CPEB3: variants seen among roughly 807,000 people sequenced by gnomAD.
CPEB3 encodes cytoplasmic polyadenylation element-binding protein 3.
CPEB3 carries 20 observed loss-of-function variants against 67.2 expected under a neutral mutation model. The observed-to-expected ratio is 0.30, with a 90% confidence interval of 0.21 to 0.43. The LOEUF (loss-of-function observed/expected upper bound fraction) is 0.43, where lower values mean the gene tolerates loss of function less well. Among genes scored for constraint, CPEB3 ranks in the 20% least tolerant of loss-of-function variants. The probability of loss-of-function intolerance (pLI) is 1.00; values close to 1 mark genes in which losing one functional copy is unlikely to be tolerated. For missense variants in CPEB3, 746 were observed against 968.6 expected, an observed-to-expected ratio of 0.77 and a Z score of 3.05; for synonymous variants, 376 against 393.1, an observed-to-expected ratio of 0.96 and a Z score of 0.51.
At chr10:92,082,773 G>A (rs1196488756) in intron 8 of CPEB3, among the ~76,000 whole-genome samples, 2 of 152,036 alleles carry the variant, frequency 1.3e-5, no homozygotes, top group Non-Finnish European at 2.9e-5. Flanking sequence ...ACTACCCCTG[G>A]GAAGTGACCC....
intron 9 of CPEB3, among the ~76,000 whole-genome samples, chr10:92,064,220 T>C (rs1842467086): frequency 6.6e-6 from 1 of 152,060 alleles, no homozygotes; most frequent in Admixed American, 6.6e-5. Flanking sequence ...CCATACTATA[T>C]CAGAGGAAAG....
intron 9 of CPEB3, among the ~76,000 whole-genome samples, chr10:92,055,327 G>A (rs1428808430): frequency 1.3e-5 from 2 of 152,146 alleles, no homozygotes; most frequent in African/African-American, 4.8e-5. Flanking sequence ...CTGCCTCGAG[G>A]CCAGAGGCAC....
At chr10:92,257,470 AT>A (rs1272568891) in intron 1 of CPEB3, among the ~76,000 whole-genome samples, 3 of 151,462 alleles carry the variant, frequency 2.0e-5, no homozygotes, top group East Asian at 3.9e-4. Flanking sequence ...AATTTTTTGT[AT>A]TTTTAGTATA....
chr10:92,186,793 G>A (rs1848716332), intron 3 of CPEB3, among the ~76,000 whole-genome samples: 1 of 152,132 alleles, frequency 6.6e-6, no homozygotes, highest in Admixed American at 6.6e-5. Context: ...AAATTAATGG[G>A]AGGGTACTTA....
intron 1 of CPEB3, among the ~76,000 whole-genome samples, chr10:92,282,958 T>C (rs1400800817): frequency 6.6e-6 from 1 of 151,624 alleles, no homozygotes; most frequent in Admixed American, 6.6e-5. Context: ...CCAAGATTAA[T>C]CCCCTAAATC....
intron 6 of CPEB3, among the ~76,000 whole-genome samples, chr10:92,134,487 C>A (rs1230313392): frequency 2.0e-5 from 3 of 151,862 alleles, no homozygotes; most frequent in Non-Finnish European, 4.4e-5. Flanking sequence ...AGGAGAACTA[C>A]AAACCACTGC....
At position 92,222,741 on chromosome 10, in the gene CPEB3, A is replaced by G. The variant is rs550431577; in HGVS notation, c.1005+16605T>C. ...TCCCTGGAAATACAAATGGAGACATAAAATGCAGTTCTGATGGCTCCTGTA... is the reference window on the plus strand; with the variant it reads ...TCCCTGGAAATACAAATGGAGACATGAAATGCAGTTCTGATGGCTCCTGTA... On this transcript the variant is annotated intron_variant, in intron 2 of 9. Transcript: ENST00000265997. 1.8e-4 allele frequency among the ~76,000 whole-genome samples: 28 copies of G among 152,298 alleles called. No individual in the cohort carries two copies. In the South Asian group the frequency reaches 5.2e-3, roughly 28 times the overall value.
chr10:92,165,228 T>C (rs1446274837), intron 4 of CPEB3, among the ~76,000 whole-genome samples: 3 of 152,012 alleles, frequency 2.0e-5, no homozygotes, highest in Admixed American at 6.6e-5. Context: ...GGGAGGACTG[T>C]TTGAGGCCAG....
At chr10:92,147,714 T>C (rs991714564) in intron 4 of CPEB3, among the ~76,000 whole-genome samples, 5 of 152,172 alleles carry the variant, frequency 3.3e-5, no homozygotes, top group South Asian at 2.1e-4. Flanking sequence ...CTCCTGGAGA[T>C]TGGCGGGGAG....
At chr10:92,065,312 CT>C (rs1395663398) in intron 9 of CPEB3, among the ~76,000 whole-genome samples, 2 of 152,216 alleles carry the variant, frequency 1.3e-5, no homozygotes, top group African/African-American at 4.8e-5. Context: ...CCTCCATCTC[CT>C]GGATTCAAGT....
intron 1 of CPEB3, among the ~76,000 whole-genome samples, chr10:92,280,370 A>G (rs1216276317): frequency 8.0e-6 from 1 of 124,258 alleles, no homozygotes; most frequent in African/African-American, 3.1e-5. Context: ...AAAAAAAAAG[A>G]GAGAGAGAGA....
intron 3 of CPEB3, among the ~76,000 whole-genome samples, chr10:92,189,520 T>G (rs544248805): frequency 1.1e-3 from 160 of 152,272 alleles, no homozygotes; most frequent in African/African-American, 3.6e-3. Context: ...AGAGGTTAAT[T>G]TATCCAGATT....
At chr10:92,095,644 A>G (rs896693414) in intron 7 of CPEB3, among the ~76,000 whole-genome samples, 1 of 146,654 alleles carries the variant, frequency 6.8e-6, no homozygotes, top group Non-Finnish European at 1.5e-5. Flanking sequence ...GTATATATAT[A>G]ATATATATAC....
At chr10:92,155,345 C>G (rs973483656) in intron 4 of CPEB3, among the ~76,000 whole-genome samples, 3 of 152,126 alleles carry the variant, frequency 2.0e-5, no homozygotes, top group African/African-American at 7.2e-5. Context: ...TTGGGCAAGT[C>G]TAAATGTTAA....
At chr10:92,210,903 G>A (rs1010146129) in intron 2 of CPEB3, among the ~76,000 whole-genome samples, 2 of 152,166 alleles carry the variant, frequency 1.3e-5, no homozygotes, top group South Asian at 2.1e-4. Context: ...CAGGCGTGGT[G>A]GCACATGCCT....
At chr10:92,181,843 G>A (rs1021023318) in intron 3 of CPEB3, among the ~76,000 whole-genome samples, 1 of 152,198 alleles carries the variant, frequency 6.6e-6, no homozygotes, top group African/African-American at 2.4e-5. Flanking sequence ...CCAACCCCTG[G>A]TCTATAAGAT....
intron 2 of CPEB3, among the ~76,000 whole-genome samples, chr10:92,225,503 A>G (rs1850927006): frequency 6.6e-6 from 1 of 152,170 alleles, no homozygotes; most frequent in Non-Finnish European, 1.5e-5. Flanking sequence ...ACTCCATCTC[A>G]AATGAAACAA....
At chr10:92,218,427 C>T (rs1850538479) in intron 2 of CPEB3, among the ~76,000 whole-genome samples, 1 of 152,076 alleles carries the variant, frequency 6.6e-6, no homozygotes, top group South Asian at 2.1e-4. Flanking sequence ...AACAGACAAA[C>T]AAACACCAAA....
chr10:92,251,382 TCTC>T (rs1325476763), intron 1 of CPEB3, among the ~76,000 whole-genome samples: 2 of 152,122 alleles, frequency 1.3e-5, no homozygotes, highest in Non-Finnish European at 2.9e-5. Flanking sequence ...TTCTCTCTTC[TCTC>T]CTCTTCTCTC....
Sources: allele counts gnomAD v4.1 joint callset (sites outside exome capture counted in the v4.1 genomes callset), GRCh38; gene constraint gnomAD v4.1.1; transcripts MANE v1.5; gene names NCBI Gene and HGNC (gene_info 2026-07-23, HGNC 2026-07-21).